Variants in BCAS4 observed in about 807,000 individuals in gnomAD.
BCAS4 encodes breast carcinoma amplified sequence 4.
BCAS4 carries 9 observed loss-of-function variants against 15.7 expected under a neutral mutation model. That is an observed-to-expected ratio of 0.57 (90% CI 0.34 to 1.00). The LOEUF (loss-of-function observed/expected upper bound fraction) is 1.00, where lower values mean the gene tolerates loss of function less well. Ranked by LOEUF, BCAS4 falls within the 50% of genes least tolerant of loss-of-function variation. The pLI is 0.02. For missense variants in BCAS4, 225 were observed against 239.1 expected (o/e 0.94, Z 0.39); for synonymous variants, 101 against 99.5 (o/e 1.02, Z -0.09).
intron 4 of BCAS4, among the ~76,000 whole-genome samples, chr20:50,868,313 G>A (rs565661445): frequency 6.6e-6 from 1 of 152,346 alleles, no homozygotes; most frequent in African/African-American, 2.4e-5. Flanking sequence ...GAGAGGAGGG[G>A]CAGATGCAGA....
chr20:50,873,220 T>A (rs1297500225), intron 4 of BCAS4, among the ~76,000 whole-genome samples: 1 of 152,212 alleles, frequency 6.6e-6, no homozygotes, highest in Non-Finnish European at 1.5e-5. Context: ...TTTTCCTCCA[T>A]TTTTAGAATC....
chr20:50,875,012 C>T (rs1227360702), intron 4 of BCAS4, among the ~76,000 whole-genome samples: 1 of 152,154 alleles, frequency 6.6e-6, no homozygotes, highest in Non-Finnish European at 1.5e-5. Flanking sequence ...CCACCGGCTC[C>T]AACCAGGAGC....
At chr20:50,821,543 T>C (rs564443715) in intron 2 of BCAS4, among the ~76,000 whole-genome samples, 28 of 152,322 alleles carry the variant, frequency 1.8e-4, no homozygotes, top group Middle Eastern at 3.4e-3. Flanking sequence ...TTTTTCTCTT[T>C]AAGAGCTGCT....
intron 4 of BCAS4, among the ~76,000 whole-genome samples, chr20:50,855,469 C>T (rs1440950872): frequency 2.0e-5 from 3 of 152,132 alleles, no homozygotes; most frequent in African/African-American, 7.2e-5. Context: ...CTTCACTGTG[C>T]CCCCTGTCCC....
chr20:50,877,532 T>C (rs1050947776), downstream of BCAS4: 5 of 152,256 alleles, frequency 3.3e-5, no homozygotes, highest in African/African-American at 1.2e-4. Context: ...CCTATGCACA[T>C]ACAGGACTGA....
chr20:50,795,569 TGCA>T (rs1344498835), intron 1 of BCAS4, among the ~76,000 whole-genome samples: 1 of 148,128 alleles, frequency 6.8e-6, no homozygotes, highest in African/African-American at 2.5e-5. Context: ...GCTGCGCTGC[TGCA>T]GCTCGGAGCG....
At chr20:50,846,586 G>T (rs1414791838) in intron 4 of BCAS4, 1 of 149,306 alleles carries the variant, frequency 6.7e-6, no homozygotes, top group Non-Finnish European at 1.5e-5. Flanking sequence ...TGCATGATCT[G>T]GTCACGTTCA....
chr20:50,814,802 T>G (rs1282637417), intron 1 of BCAS4, among the ~76,000 whole-genome samples: 1 of 152,172 alleles, frequency 6.6e-6, no homozygotes, highest in East Asian at 1.9e-4. Context: ...TAGCCCTTGT[T>G]TTTATTCTAT....
intron 1 of BCAS4, among the ~76,000 whole-genome samples, chr20:50,798,554 C>T (rs1600841151): frequency 6.6e-6 from 1 of 152,136 alleles, no homozygotes; most frequent in African/African-American, 2.4e-5. Flanking sequence ...CAAAATATTT[C>T]AACATATGAT....
rs377159322 is a variant in BCAS4, at chr20:50,841,909, C to T, written c.399+9C>T. 4.5e-6 allele frequency: 7 copies of T among 1,562,802 alleles called. No individual in the cohort carries two copies. In the African/African-American group the frequency reaches 9.6e-5, roughly 21 times the overall value. On this transcript the variant is annotated intron_variant, in intron 4 of 4. Transcript: ENST00000371608. ...TCCCCTCCTTCAGGAACGTGAGTAT[C>T]CTGCCCCGAGAAGTGAGGGGAGGGC...
At chr20:50,869,879 G>A (rs953369905) in intron 4 of BCAS4, among the ~76,000 whole-genome samples, 2 of 150,900 alleles carry the variant, frequency 1.3e-5, no homozygotes, top group Non-Finnish European at 1.5e-5. Context: ...CTCCCAAGTA[G>A]CTGGGATTAC....
chr20:50,850,817 A>G (rs1360760090), intron 4 of BCAS4, among the ~76,000 whole-genome samples: 2 of 152,214 alleles, frequency 1.3e-5, no homozygotes, highest in African/African-American at 4.8e-5. Flanking sequence ...TAGGTGTTCA[A>G]TAAATAGTCA....
At chr20:50,853,755 T>TA (rs1555805165) in intron 4 of BCAS4, among the ~76,000 whole-genome samples, 2 of 72,734 alleles carry the variant, frequency 2.7e-5, no homozygotes. Flanking sequence ...TTTTGTGTAC[T>TA]GGGGGTGTTT....
chr20:50,847,951 A>T (rs562553314), intron 4 of BCAS4, among the ~76,000 whole-genome samples: 2 of 152,234 alleles, frequency 1.3e-5, no homozygotes, highest in South Asian at 4.1e-4. Context: ...AGGTGGAAGG[A>T]TCACTTGAGC....
At chr20:50,869,456 C>T (rs1263623830) in intron 4 of BCAS4, among the ~76,000 whole-genome samples, 1 of 152,186 alleles carries the variant, frequency 6.6e-6, no homozygotes, top group Admixed American at 6.5e-5. Context: ...ATGCTGGGCC[C>T]AGCAGCCCTG....
chr20:50,855,514 C>A (rs1445256881), intron 4 of BCAS4, among the ~76,000 whole-genome samples: 1 of 152,122 alleles, frequency 6.6e-6, no homozygotes, highest in Non-Finnish European at 1.5e-5. Flanking sequence ...CTTCGTGCCC[C>A]ACCTCCACCT....
At chr20:50,854,298 C>T (rs969729859) in intron 4 of BCAS4, among the ~76,000 whole-genome samples, 4 of 151,740 alleles carry the variant, frequency 2.6e-5, no homozygotes, top group Non-Finnish European at 5.9e-5. Flanking sequence ...GGCCTCAGGT[C>T]GAGGATTTGA....
chr20:50,872,619 C>A (rs999870962), intron 4 of BCAS4, among the ~76,000 whole-genome samples: 1 of 152,092 alleles, frequency 6.6e-6, no homozygotes, highest in Non-Finnish European at 1.5e-5. Context: ...TGCTAGCACC[C>A]CAAGGGGAAA....
chr20:50,813,147 T>A (rs750350751), intron 1 of BCAS4, among the ~76,000 whole-genome samples: 23 of 152,182 alleles, frequency 1.5e-4, no homozygotes, highest in Admixed American at 6.6e-5. Context: ...GTATATTGCT[T>A]GGCCATAAGT....
Sources: allele counts gnomAD v4.1 joint callset (sites outside exome capture counted in the v4.1 genomes callset), GRCh38; gene constraint gnomAD v4.1.1; transcripts MANE v1.5; gene names NCBI Gene and HGNC (gene_info 2026-07-23, HGNC 2026-07-21).